The following CNTN4 variants were observed in gnomAD, a reference collection of about 807,000 sequenced individuals.
CNTN4 encodes the protein contactin 4.
Under a neutral mutation model 122.5 loss-of-function variants are expected in CNTN4, and 77 were observed. That is an observed-to-expected ratio of 0.63 (90% CI 0.52 to 0.76). CNTN4 has a LOEUF of 0.76. Among genes scored for constraint, CNTN4 ranks in the 30% least tolerant of loss-of-function variants. CNTN4 has a pLI of 0.00. For synonymous variants in CNTN4, 512 were observed against 447.0 expected (o/e 1.15, Z -1.83); for missense variants, 1,256 against 1,259.1 (o/e 1.00, Z 0.04).
chr3:2,191,779 A>G (rs776802299), intron 2 of CNTN4, among the ~76,000 whole-genome samples: 4 of 151,874 alleles, frequency 2.6e-5, no homozygotes, highest in Admixed American at 6.6e-5. Context: ...TGTGCACAAC[A>G]TGAGGTTTGT....
chr3:3,033,239 A>T (rs1699328296), intron 16 of CNTN4, among the ~76,000 whole-genome samples: 1 of 152,204 alleles, frequency 6.6e-6, no homozygotes, highest in South Asian at 2.1e-4. Flanking sequence ...CCAAGACCAA[A>T]GGTTACATCA....
chr3:3,017,777 A>G (rs997213067), intron 14 of CNTN4, among the ~76,000 whole-genome samples: 3 of 152,264 alleles, frequency 2.0e-5, no homozygotes, highest in Non-Finnish European at 4.4e-5. Flanking sequence ...AACTTCGCTT[A>G]TAAGATGAAC....
At chr3:3,031,050 C>T in intron 16 of CNTN4, 75 bp downstream of exon 16, 1 of 1,588,332 alleles carries the variant, frequency 6.3e-7, no homozygotes, top group Admixed American at 1.7e-5. Context: ...TTCCAGAAAC[C>T]TCAGTGGTTT....
At chr3:2,371,376 C>T (rs150675768) in intron 3 of CNTN4, among the ~76,000 whole-genome samples, 2 of 152,112 alleles carry the variant, frequency 1.3e-5, no homozygotes, top group Non-Finnish European at 2.9e-5. Flanking sequence ...ACCTTTAACA[C>T]CCTATTTAAA....
At chr3:2,150,079 A>T (rs753476786) in intron 2 of CNTN4, among the ~76,000 whole-genome samples, 9 of 152,002 alleles carry the variant, frequency 5.9e-5, no homozygotes, top group Admixed American at 6.6e-5. Flanking sequence ...ATTCTACAAG[A>T]TGCTTAGCAC....
intron 3 of CNTN4, among the ~76,000 whole-genome samples, chr3:2,390,968 A>G (rs1167224956): frequency 6.6e-6 from 1 of 152,214 alleles, no homozygotes; most frequent in Admixed American, 6.5e-5. Flanking sequence ...AAAATAAGAG[A>G]TGCAAAGCAG....
intron 4 of CNTN4, among the ~76,000 whole-genome samples, chr3:2,660,789 A>G (rs1010310646): frequency 6.6e-6 from 1 of 152,262 alleles, no homozygotes; most frequent in Non-Finnish European, 1.5e-5. Context: ...AATGACAGAT[A>G]TAAGATTGAA....
chr3:2,284,103 C>G (rs2041821948), intron 2 of CNTN4, among the ~76,000 whole-genome samples: 1 of 151,646 alleles, frequency 6.6e-6, no homozygotes, highest in African/African-American at 2.4e-5. Context: ...AGTAAGTACC[C>G]AAAGAAGGAA....
chr3:2,853,209 G>C (rs1182166428), intron 7 of CNTN4, among the ~76,000 whole-genome samples: 1 of 151,824 alleles, frequency 6.6e-6, no homozygotes, highest in Admixed American at 6.6e-5. Flanking sequence ...GTGTCCACTA[G>C]GGAGTTTTTT....
intron 17 of CNTN4, among the ~76,000 whole-genome samples, chr3:3,035,023 C>T (rs945769855): frequency 3.9e-5 from 6 of 151,982 alleles, no homozygotes; most frequent in African/African-American, 1.2e-4. Flanking sequence ...ATGGTAATGT[C>T]CAGGCCAGAT....
Position 2,423,526 on chromosome 3 carries a change from C to T in CNTN4, c.-89+84293C>T, listed in dbSNP as rs143057191. Among the ~76,000 whole-genome samples, 224 of 150,840 alleles carry T rather than the reference C, an allele frequency of 1.5e-3. 1 individual carries two copies. Among genetic ancestry groups the T allele is most frequent in the African/African-American group, 5.3e-3 (218 of 41,092 alleles). Reference sequence around the variant, plus strand: ...TGTGCCTCTGTGGAATCCTTTTTGCCCAAAATAGATGCATTAATAAACATG... The same window carrying T: ...TGTGCCTCTGTGGAATCCTTTTTGCTCAAAATAGATGCATTAATAAACATG... On this transcript the variant is annotated intron_variant, in intron 3 of 24. Transcript: ENST00000418658.
chr3:2,130,899 A>G (rs1357490022), intron 2 of CNTN4, among the ~76,000 whole-genome samples: 2 of 152,178 alleles, frequency 1.3e-5, no homozygotes, highest in African/African-American at 4.8e-5. Flanking sequence ...AAGCATGTTG[A>G]CATTTCTTAG....
At chr3:2,660,418 T>A (rs940380796) in intron 4 of CNTN4, among the ~76,000 whole-genome samples, 3 of 152,214 alleles carry the variant, frequency 2.0e-5, no homozygotes, top group African/African-American at 7.2e-5. Context: ...TGTGTTCACC[T>A]TAGATATCTA....
chr3:2,407,138 GA>G (rs2047067058), intron 3 of CNTN4, among the ~76,000 whole-genome samples: 1 of 152,150 alleles, frequency 6.6e-6, no homozygotes, highest in African/African-American at 2.4e-5. Flanking sequence ...GCGGACAAGG[GA>G]AAATTTAGCT....
intron 2 of CNTN4, among the ~76,000 whole-genome samples, chr3:2,169,647 T>A (rs1472690387): frequency 2.6e-5 from 4 of 152,000 alleles, no homozygotes; most frequent in Admixed American, 2.6e-4. Context: ...TCCACCCGCC[T>A]CCGCCTCCCA....
chr3:2,307,889 T>C (rs2042777404), intron 2 of CNTN4, among the ~76,000 whole-genome samples: 1 of 152,188 alleles, frequency 6.6e-6, no homozygotes, highest in Non-Finnish European at 1.5e-5. Flanking sequence ...TTTGTAGCTT[T>C]CTTATGATGT....
chr3:2,211,546 C>G (rs1349959406), intron 2 of CNTN4, among the ~76,000 whole-genome samples: 1 of 151,966 alleles, frequency 6.6e-6, no homozygotes, highest in African/African-American at 2.4e-5. Flanking sequence ...ATAATAAACC[C>G]CTTTTAAAAA....
rs974862958 is a variant in CNTN4, at chr3:2,925,757, G to C, written c.1336G>C (p.Asp446His). The C allele has an allele frequency of 6.2e-7, 1 of 1,613,490 alleles. No homozygotes were observed. The highest frequency in any genetic ancestry group is 1.3e-5 in the African/African-American group (1 of 74,836). ...TGTTTACACCTGGAAGAAAGGAAGG[G>C]ATATATTAAAAGAAAATGAAAGGTA... ...KPVYTWKKGR[D>H]ILKENERITI... The change falls in exon 13 of 25, where the codon GAT becomes CAT. Residue 446 changes from aspartate (D) to histidine (H), a missense_variant. Transcript: ENST00000418658.
At chr3:2,413,694 C>G (rs1376245222) in intron 3 of CNTN4, among the ~76,000 whole-genome samples, 1 of 152,032 alleles carries the variant, frequency 6.6e-6, no homozygotes, top group Non-Finnish European at 1.5e-5. Flanking sequence ...CAGGCACACA[C>G]CACAACACAC....
Sources: gnomAD v4.1 joint callset for allele counts (sites outside exome capture counted in the v4.1 genomes callset) on GRCh38, gnomAD v4.1.1 for gene constraint, MANE v1.5 for transcripts, NCBI Gene and HGNC (gene_info 2026-07-23, HGNC 2026-07-21) for gene names.